LRRC53: variants seen among roughly 807,000 people sequenced by gnomAD.
LRRC53 encodes the protein leucine-rich repeat-containing protein 53.
In LRRC53, 25 loss-of-function variants were observed where a neutral mutation model predicts 13.6. The observed-to-expected ratio is 1.83, with a 90% CI of 1.34 to 2.56. The LOEUF is 2.56. Among genes scored for constraint, LRRC53 ranks in the 30% most tolerant of loss-of-function variants. The pLI is 0.00. For missense variants in LRRC53, 527 were observed against 275.8 expected (o/e 1.91, Z -6.45); for synonymous variants, 204 against 109.8 (o/e 1.86, Z -5.37).
chr1:74,501,695 G>T (rs1331113880), intron 1 of LRRC53, among the ~76,000 whole-genome samples: 2 of 151,942 alleles, frequency 1.3e-5, no homozygotes, highest in African/African-American at 4.8e-5. Flanking sequence ...CACCATGTTG[G>T]TCAGGCTGGT....
chr1:74,530,587 C>T, the LRRC53 span, among the ~76,000 whole-genome samples: 6 of 152,200 alleles, frequency 3.9e-5, no homozygotes, highest in African/African-American at 1.4e-4. Context: ...GATTTCACTA[C>T]AACCTTGCTA....
intron 1 of LRRC53, chr1:74,489,287 C>T (rs200428708): frequency 6.3e-7 from 1 of 1,589,556 alleles, no homozygotes; most frequent in Admixed American, 1.8e-5. Flanking sequence ...CATAAAAAAG[C>T]CCTGCATATC....
At chr1:74,497,363 G>A (rs775643669) in intron 1 of LRRC53, among the ~76,000 whole-genome samples, 1 of 151,772 alleles carries the variant, frequency 6.6e-6, no homozygotes, top group Non-Finnish European at 1.5e-5. Flanking sequence ...ACTCTTTTTT[G>A]TACTAAAATT....
chr1:74,473,453 A>G (rs1668035601), intron 4 of LRRC53, among the ~76,000 whole-genome samples: 1 of 152,112 alleles, frequency 6.6e-6, no homozygotes, highest in Non-Finnish European at 1.5e-5. Context: ...TTTTTATTCC[A>G]TGAGAAAAAA....
chr1:74,521,615 A>T, the LRRC53 span, among the ~76,000 whole-genome samples: 1 of 152,110 alleles, frequency 6.6e-6, no homozygotes, highest in Non-Finnish European at 1.5e-5. Flanking sequence ...TTAGCAAATG[A>T]TTGGTAAAGA....
intron 1 of LRRC53, among the ~76,000 whole-genome samples, chr1:74,491,547 A>G (rs1051002299): frequency 1.3e-5 from 2 of 152,176 alleles, no homozygotes; most frequent in Non-Finnish European, 2.9e-5. Flanking sequence ...GCCAAGTCCA[A>G]CAGGTGTTTT....
At chr1:74,488,477 G>A (rs1018885148) in intron 1 of LRRC53, among the ~76,000 whole-genome samples, 43 of 152,288 alleles carry the variant, frequency 2.8e-4, no homozygotes, top group African/African-American at 1.0e-3. Flanking sequence ...ATGATAGGGT[G>A]TATAGTTTTA....
chr1:74,504,000 G>T (rs911948184), intron 1 of LRRC53, among the ~76,000 whole-genome samples: 1 of 152,108 alleles, frequency 6.6e-6, no homozygotes, highest in African/African-American at 2.4e-5. Flanking sequence ...TCTCCATGAA[G>T]ATCCAAACAA....
At chr1:74,518,198 C>A in the LRRC53 span, among the ~76,000 whole-genome samples, 1 of 152,076 alleles carries the variant, frequency 6.6e-6, no homozygotes, top group African/African-American at 2.4e-5. Context: ...AGAGGGTTTG[C>A]TGATCAATGG....
chr1:74,520,361 A>G, the LRRC53 span, among the ~76,000 whole-genome samples: 1 of 152,088 alleles, frequency 6.6e-6, no homozygotes, highest in South Asian at 2.1e-4. Flanking sequence ...ATTTGAGACT[A>G]CTTCGCGTGA....
chr1:74,473,918 T>C (rs1413193524), intron 4 of LRRC53, among the ~76,000 whole-genome samples: 1 of 152,116 alleles, frequency 6.6e-6, no homozygotes, highest in Non-Finnish European at 1.5e-5. Context: ...TAATTCTTTT[T>C]CCAAGTCAGA....
chr1:74,495,799 A>G (rs1447375473), intron 1 of LRRC53, among the ~76,000 whole-genome samples: 1 of 152,200 alleles, frequency 6.6e-6, no homozygotes, highest in Non-Finnish European at 1.5e-5. Context: ...TTTTGCCAAT[A>G]CTTGTATTTG....
At chr1:74,510,186 A>G (rs975072140) in intron 1 of LRRC53, among the ~76,000 whole-genome samples, 1 of 152,164 alleles carries the variant, frequency 6.6e-6, no homozygotes, top group Non-Finnish European at 1.5e-5. Context: ...GATCAGTAGT[A>G]GAGAGGGCAA....
intron 1 of LRRC53, among the ~76,000 whole-genome samples, chr1:74,501,303 T>C (rs1669612441): frequency 6.6e-6 from 1 of 152,238 alleles, no homozygotes; most frequent in Non-Finnish European, 1.5e-5. Context: ...TTCTAATTTA[T>C]ATTCCAGTTC....
chr1:74,484,468 T>C (rs976685568), intron 1 of LRRC53, among the ~76,000 whole-genome samples: 5 of 152,128 alleles, frequency 3.3e-5, no homozygotes, highest in South Asian at 2.1e-4. Context: ...TAATATAAAA[T>C]ATGTATTAAG....
In LRRC53 at chr1:74,482,591, C is replaced by G. The variant is rs996753296; in HGVS notation, c.88+671G>C. Among the ~76,000 whole-genome samples the G allele has an allele frequency of 2.0e-5, 3 of 152,196 alleles. No individual in the cohort carries two copies. The South Asian group carries it at 6.2e-4, about 31-fold the overall frequency. ...TATTAGAAATGGAAGAAATTATCCTCTTCCACTCTGTCGTAACTCAAGCTT... is the reference window on the plus strand; with the variant it reads ...TATTAGAAATGGAAGAAATTATCCTGTTCCACTCTGTCGTAACTCAAGCTT... On this transcript the variant is annotated intron_variant, in intron 2 of 4. Transcript: ENST00000294635.
At chr1:74,514,265 T>C (rs1026002776), upstream of LRRC53, among the ~76,000 whole-genome samples, 1 of 152,234 alleles carries the variant, frequency 6.6e-6, no homozygotes, top group African/African-American at 2.4e-5. Flanking sequence ...GCAATTGTTT[T>C]AAAGCGTTTT....
the LRRC53 span, among the ~76,000 whole-genome samples, chr1:74,518,874 C>CTTTTTTTT: frequency 6.9e-5 from 2 of 29,050 alleles, no homozygotes; most frequent in Non-Finnish European, 1.2e-4. Context: ...TTTTTTTCCC[C>CTTTTTTTT]TTTTTTTTTT....
Position 74,503,583 on chromosome 1 carries a change from A to AT in LRRC53, c.-27+8942dup, listed in dbSNP as rs571571584. 3.0e-3 allele frequency among the ~76,000 whole-genome samples: 454 copies of AT among 150,772 alleles called. 2 individuals are homozygous for AT. The highest frequency in any genetic ancestry group is 0.01 in the African/African-American group (424 of 41,128). On this transcript the variant is annotated intron_variant, in intron 1 of 4. Coordinates refer to ENST00000294635, the MANE Select transcript of LRRC53 (RefSeq NM_001382280.1). ...CTTGCCTAAATCTAGGGACAAGACC[A>AT]TTTTTTTTTAGGATAGCTATCATCT...
Sources: gnomAD v4.1 joint callset for allele counts (sites outside exome capture counted in the v4.1 genomes callset) on GRCh38, gnomAD v4.1.1 for gene constraint, MANE v1.5 for transcripts, NCBI Gene and HGNC (gene_info 2026-07-23, HGNC 2026-07-21) for gene names.